The following PCDHGA4 variants were observed in gnomAD, a reference collection of about 807,000 sequenced individuals.
PCDHGA4 encodes protocadherin gamma-A4.
In PCDHGA4, 38 loss-of-function variants were observed where a neutral mutation model predicts 54.6. That is an observed-to-expected ratio of 0.70 (90% CI 0.54 to 0.91). PCDHGA4 has a LOEUF of 0.91. Among genes scored for constraint, PCDHGA4 ranks in the 40% least tolerant of loss-of-function variants. The probability of loss-of-function intolerance (pLI) is 0.00; values close to 1 mark genes in which losing one functional copy is unlikely to be tolerated. For missense variants in PCDHGA4, 1,298 were observed against 1,220.9 expected (o/e 1.06, Z -0.94); for synonymous variants, 511 against 512.9 (o/e 1.00, Z 0.05).
intron 1 of PCDHGA4, chr5:141,423,124 C>T (rs748586131): frequency 1.9e-6 from 3 of 1,613,778 alleles, no homozygotes; most frequent in Non-Finnish European, 1.7e-6. Context: ...AGCGCGGGCA[C>T]TGCTGGACAG....
At chr5:141,436,849 T>C (rs1007573014) in intron 1 of PCDHGA4, among the ~76,000 whole-genome samples, 11 of 152,256 alleles carry the variant, frequency 7.2e-5, no homozygotes, top group African/African-American at 2.7e-4. Context: ...ACATTCTTGA[T>C]TGAGAAGCCA....
At chr5:141,403,251 C>G (rs1276332038) in intron 1 of PCDHGA4, 41 of 1,613,756 alleles carry the variant, frequency 2.5e-5, no homozygotes, top group Non-Finnish European at 3.4e-5. Context: ...GCTCAGAGCC[C>G]GCGGTGTCTG....
intron 1 of PCDHGA4, chr5:141,410,134 C>T: frequency 6.2e-7 from 1 of 1,612,766 alleles, no homozygotes; most frequent in East Asian, 2.2e-5. Flanking sequence ...GCCTGCTGGT[C>T]GCTGTGCGTG....
intron 1 of PCDHGA4, among the ~76,000 whole-genome samples, chr5:141,458,236 C>T (rs6874378): frequency 0.18 from 27,546 of 152,106 alleles, 2,658 homozygotes; most frequent in Admixed American, 0.28. Flanking sequence ...AGTCCATGCA[C>T]CAAAATGATA....
intron 1 of PCDHGA4, chr5:141,384,940 T>C: frequency 6.2e-7 from 1 of 1,613,942 alleles, no homozygotes; most frequent in Non-Finnish European, 8.5e-7. Flanking sequence ...CCTTGAGCCC[T>C]CCGACGGTCC....
chr5:141,430,910 G>A lies in PCDHGA4; in HGVS notation c.2515-63897G>A. The A allele has an allele frequency of 6.2e-7, 1 of 1,608,040 alleles. No homozygotes were observed. The highest frequency in any genetic ancestry group is 8.5e-7 in the Non-Finnish European group (1 of 1,177,584). On this transcript the variant is annotated intron_variant, in intron 1 of 3. Coordinates refer to ENST00000571252, the MANE Select transcript of PCDHGA4 (RefSeq NM_018917.4). ...CTCTAGGGTGGGCGACATCTCCAGG[G>A]ACCTGGGGCTGGAGCCCCGGGAGCT...
chr5:141,479,845 A>T (rs895639749), intron 1 of PCDHGA4, among the ~76,000 whole-genome samples: 4 of 152,210 alleles, frequency 2.6e-5, no homozygotes, highest in Admixed American at 1.3e-4. Flanking sequence ...ATGCAAGGTG[A>T]CTGCAAGGCC....
At chr5:141,452,854 A>G (rs137963870) in intron 1 of PCDHGA4, among the ~76,000 whole-genome samples, 109 of 152,264 alleles carry the variant, frequency 7.2e-4, no homozygotes, top group African/African-American at 2.5e-3. Flanking sequence ...CTCTGGGGAG[A>G]TGATTTTCTA....
At chr5:141,385,096 G>C (rs746092295) in intron 1 of PCDHGA4, 2 of 1,614,072 alleles carry the variant, frequency 1.2e-6, no homozygotes, top group South Asian at 2.2e-5. Context: ...AGGTGGCTTG[G>C]CGAACGTGCC....
At chr5:141,374,635 C>T (rs759050511) in intron 1 of PCDHGA4, 1 of 1,613,044 alleles carries the variant, frequency 6.2e-7, no homozygotes, top group Non-Finnish European at 8.5e-7. Flanking sequence ...ACGTGCAAAG[C>T]GAAGCCCATG....
intron 1 of PCDHGA4, chr5:141,479,325 A>C (rs2099492835): frequency 6.6e-6 from 1 of 152,648 alleles, no homozygotes; most frequent in South Asian, 2.1e-4. Context: ...AGCCAGACTC[A>C]GTGGTGTGCA....
Position 141,486,989 on chromosome 5 carries a change from G to A in PCDHGA4, c.2515-7818G>A. 1.9e-6 allele frequency: 3 copies of A among 1,614,168 alleles called. No individual in the cohort carries two copies. Among genetic ancestry groups the A allele is most frequent in the Non-Finnish European group, 2.5e-6 (3 of 1,180,034 alleles). On this transcript the variant is annotated intron_variant, in intron 1 of 3. Transcript: ENST00000571252. This position sits in a 1 kb window ranked among gnomAD's most constrained non-coding sequence, Gnocchi z 5.0. ...CTTGGATTCAGGTTACAATGCTTGG[G>A]TTTCCTATCAGCTCCTGGAGGCCCC...
rs73280920 is a variant in PCDHGA4 at position 141,453,809 on chromosome 5, A to G, written c.2515-40998A>G. Among the ~76,000 whole-genome samples, 1,254 of 152,338 alleles carry G rather than the reference A, an allele frequency of 8.2e-3. 17 individuals carry two copies. Among genetic ancestry groups the G allele is most frequent in the African/African-American group, 0.029 (1,191 of 41,572 alleles). On this transcript the variant is annotated intron_variant, in intron 1 of 3. Coordinates refer to ENST00000571252, the MANE Select transcript of PCDHGA4 (RefSeq NM_018917.4). ...GTATATTAACTTTGAGTAGTTCCATAAAGGACAAACTTGGCTGCTAGCCCT... is the reference window on the plus strand; with the variant it reads ...GTATATTAACTTTGAGTAGTTCCATGAAGGACAAACTTGGCTGCTAGCCCT...
chr5:141,400,314 CAA>C (rs1443669567), intron 1 of PCDHGA4: 1 of 1,613,960 alleles, frequency 6.2e-7, no homozygotes, highest in Non-Finnish European at 8.5e-7. Context: ...GTCTCTGTGT[CAA>C]GTCTGGACCT....
intron 1 of PCDHGA4, chr5:141,409,322 C>A (rs1161029892): frequency 6.2e-7 from 1 of 1,613,988 alleles, no homozygotes; most frequent in Non-Finnish European, 8.5e-7. Flanking sequence ...AACACGGGAT[C>A]TGGATTTCGG....
At chr5:141,370,411 G>A (rs757547025) in intron 1 of PCDHGA4, 2 of 1,566,772 alleles carry the variant, frequency 1.3e-6, no homozygotes, top group South Asian at 1.2e-5. Context: ...AATAGCTCCG[G>A]ATGGAGGGGC....
intron 1 of PCDHGA4, among the ~76,000 whole-genome samples, chr5:141,454,476 A>G (rs918910449): frequency 6.6e-6 from 1 of 151,806 alleles, no homozygotes; most frequent in Non-Finnish European, 1.5e-5. Flanking sequence ...GCATGATCTC[A>G]GCTCACCGCA....
chr5:141,375,843 T>C (rs762152746), intron 1 of PCDHGA4: 1 of 1,614,046 alleles, frequency 6.2e-7, no homozygotes, highest in Admixed American at 1.7e-5. Context: ...CCCGGCTACC[T>C]GGTGACCAAG....
At chr5:141,399,663 G>T (rs766997364) in intron 1 of PCDHGA4, 4 of 1,613,506 alleles carry the variant, frequency 2.5e-6, no homozygotes, top group Admixed American at 3.3e-5. Context: ...TGGTGTTCGC[G>T]CAGCGCGCCT....
Sources: gnomAD v4.1 joint callset for allele counts (sites outside exome capture counted in the v4.1 genomes callset) on GRCh38, gnomAD v4.1.1 for gene constraint, Gnocchi (gnomAD v3.1) non-coding constraint, MANE v1.5 for transcripts, NCBI Gene and HGNC (gene_info 2026-07-23, HGNC 2026-07-21) for gene names.